VOPP1: variants seen among roughly 807,000 people sequenced by gnomAD.
VOPP1 encodes the protein WW domain binding protein VOPP1.
In VOPP1, 8 loss-of-function variants were observed where a neutral mutation model predicts 23.5. The ratio of observed to expected loss-of-function variants is 0.34; its 90% CI spans 0.20 to 0.61. The LOEUF is 0.61. Ranked by LOEUF, VOPP1 falls within the 20% of genes least tolerant of loss-of-function variation. VOPP1 has a pLI of 0.78. For synonymous variants in VOPP1, 83 were observed against 97.3 expected (o/e 0.85, Z 0.86); for missense variants, 174 against 238.1 (o/e 0.73, Z 1.77).
intron 4 of VOPP1, among the ~76,000 whole-genome samples, chr7:55,480,256 G>A (rs1398066859): frequency 2.0e-5 from 3 of 152,214 alleles, no homozygotes; most frequent in African/African-American, 7.2e-5. Context: ...CTTTGAAAAT[G>A]TCTTCAAGCT....
At chr7:55,481,826 T>G (rs1050155583) in intron 4 of VOPP1, among the ~76,000 whole-genome samples, 5 of 152,188 alleles carry the variant, frequency 3.3e-5, no homozygotes, top group African/African-American at 1.2e-4. Flanking sequence ...ACTGAGCAAC[T>G]TTCCGAAAAT....
intron 2 of VOPP1, among the ~76,000 whole-genome samples, chr7:55,520,353 C>T (rs1795758692): frequency 6.6e-6 from 1 of 152,130 alleles, no homozygotes; most frequent in African/African-American, 2.4e-5. Context: ...GGGCATTCGA[C>T]TCAATACCTA....
At chr7:55,544,612 G>T (rs1274002129) in intron 1 of VOPP1, among the ~76,000 whole-genome samples, 1 of 152,198 alleles carries the variant, frequency 6.6e-6, no homozygotes, top group African/African-American at 2.4e-5. Flanking sequence ...GGAAGAGTGG[G>T]GGTTTCAGGG....
chr7:55,536,297 G>A (rs146654480), intron 1 of VOPP1, among the ~76,000 whole-genome samples: 1,669 of 152,334 alleles, frequency 0.011, 11 homozygotes, highest in Middle Eastern at 0.02. Context: ...GGGAGGCCAA[G>A]GCAGGCAGAT....
At chr7:55,505,482 A>G (rs1281153086) in intron 2 of VOPP1, among the ~76,000 whole-genome samples, 1 of 152,086 alleles carries the variant, frequency 6.6e-6, no homozygotes, top group Non-Finnish European at 1.5e-5. Flanking sequence ...GAAAGGTGAC[A>G]GCCCATGAGC....
intron 2 of VOPP1, among the ~76,000 whole-genome samples, chr7:55,516,917 TATATATATATATATA>T (rs1217562919): frequency 5.9e-5 from 2 of 33,872 alleles, no homozygotes; most frequent in African/African-American, 2.8e-4. Context: ...TATATATATA[TATATATATATATATA>T]TTTTTTTTTT....
chr7:55,468,907 A>C (rs998285131), downstream of VOPP1, among the ~76,000 whole-genome samples: 4 of 152,238 alleles, frequency 2.6e-5, no homozygotes, highest in Non-Finnish European at 5.9e-5. Context: ...AGGTCACAGT[A>C]TTTGAGGATA....
chr7:55,544,816 G>A (rs1284532876), intron 1 of VOPP1, among the ~76,000 whole-genome samples: 1 of 152,204 alleles, frequency 6.6e-6, no homozygotes, highest in Non-Finnish European at 1.5e-5. Flanking sequence ...AATAAAAAAA[G>A]TTGTCCAATA....
chr7:55,521,525 T>G (rs1335518689), intron 1 of VOPP1: 1 of 1,015,854 alleles, frequency 9.8e-7, no homozygotes, highest in Non-Finnish European at 1.2e-6. Flanking sequence ...TCCAATAGAT[T>G]TAGCATTTCT....
chr7:55,571,008 G>A (rs1017341455), intron 1 of VOPP1, among the ~76,000 whole-genome samples: 3 of 151,950 alleles, frequency 2.0e-5, no homozygotes, highest in Admixed American at 2.0e-4. Flanking sequence ...ACACATTAAG[G>A]TACAAGCACA....
chr7:55,479,120 C>G (rs924437453), intron 4 of VOPP1, among the ~76,000 whole-genome samples: 9 of 151,586 alleles, frequency 5.9e-5, no homozygotes, highest in Non-Finnish European at 1.2e-4. Flanking sequence ...TAGCCAAAAG[C>G]CTTGAACTAC....
At chr7:55,557,203 G>T (rs927572399) in intron 1 of VOPP1, among the ~76,000 whole-genome samples, 4 of 152,134 alleles carry the variant, frequency 2.6e-5, no homozygotes, top group African/African-American at 9.7e-5. Context: ...TTGAATGCTA[G>T]GTCCGACTGC....
At chr7:55,528,055 T>C (rs1796291843) in intron 1 of VOPP1, among the ~76,000 whole-genome samples, 1 of 152,188 alleles carries the variant, frequency 6.6e-6, no homozygotes, top group South Asian at 2.1e-4. Flanking sequence ...GTTTAAACAA[T>C]TGAGAACAAA....
At chr7:55,487,238 A>C (rs1793210971) in intron 4 of VOPP1, among the ~76,000 whole-genome samples, 3 of 152,228 alleles carry the variant, frequency 2.0e-5, no homozygotes, top group Admixed American at 2.0e-4. Context: ...TTGAGACATG[A>C]GAATGAACAG....
chr7:55,518,509 C>T (rs1022251435), intron 2 of VOPP1, among the ~76,000 whole-genome samples: 3 of 152,226 alleles, frequency 2.0e-5, no homozygotes, highest in Admixed American at 1.3e-4. Flanking sequence ...TGTCAGCATT[C>T]TCTCACAGCC....
intron 4 of VOPP1, among the ~76,000 whole-genome samples, chr7:55,447,672 T>A (rs935047103): frequency 6.6e-6 from 1 of 152,242 alleles, no homozygotes; most frequent in Non-Finnish European, 1.5e-5. Flanking sequence ...TAAATATACG[T>A]GTACATATAC....
intron 4 of VOPP1, among the ~76,000 whole-genome samples, chr7:55,452,590 A>C (rs897989561): frequency 1.3e-5 from 2 of 152,256 alleles, no homozygotes; most frequent in African/African-American, 4.8e-5. Flanking sequence ...ATAAGACTTG[A>C]AAGTCAAAAT....
intron 1 of VOPP1, chr7:55,562,108 T>A: frequency 2.8e-6 from 2 of 701,790 alleles, no homozygotes; most frequent in Non-Finnish European, 5.2e-6. Context: ...CGAAACTCCC[T>A]ACCTCATTCT....
intron 4 of VOPP1, among the ~76,000 whole-genome samples, chr7:55,436,623 T>C (rs1790829906): frequency 7.1e-6 from 1 of 140,384 alleles, no homozygotes; most frequent in African/African-American, 2.7e-5. Flanking sequence ...CATGAGTGTG[T>C]GTGTGTGCGT....
Sources: gnomAD v4.1 joint callset for allele counts (sites outside exome capture counted in the v4.1 genomes callset) on GRCh38, gnomAD v4.1.1 for gene constraint, MANE v1.5 for transcripts, NCBI Gene and HGNC (gene_info 2026-07-23, HGNC 2026-07-21) for gene names.